OSBP: variants seen among roughly 807,000 people sequenced by gnomAD.
OSBP encodes the protein oxysterol binding protein.
OSBP carries 32 observed loss-of-function variants against 96.6 expected under a neutral mutation model. The observed-to-expected ratio is 0.33, with a 90% confidence interval of 0.25 to 0.45. OSBP has a LOEUF of 0.45. Among genes scored for constraint, OSBP ranks in the 20% least tolerant of loss-of-function variants. The pLI, the probability that OSBP is intolerant of heterozygous loss-of-function variation, is 1.00. For synonymous variants in OSBP, 369 were observed against 389.6 expected, an observed-to-expected ratio of 0.95 and a Z score of 0.62; for missense variants, 653 against 1,029.7, an observed-to-expected ratio of 0.63 and a Z score of 5.01.
intron 10 of OSBP, among the ~76,000 whole-genome samples, chr11:59,581,127 C>T (rs1860415455): frequency 6.6e-6 from 1 of 152,186 alleles, no homozygotes. Flanking sequence ...AGCATACTGC[C>T]TGGCAATAAA....
At position 59,581,564 on chromosome 11, in the gene OSBP, G is replaced by GAC; in HGVS notation, c.1679-11_1679-10insGT. ...ATACAATGAATGGTACCTGGAAGCA[G>GAC]AAAGAGGTATCCAAATTAAGCCAAA... On this transcript the variant is annotated splice_polypyrimidine_tract_variant and intron_variant, in intron 9 of 13. Transcript: ENST00000263847. 1 of 1,552,792 alleles carries GAC rather than the reference G, an allele frequency of 6.4e-7. No individual in the cohort carries two copies. Among genetic ancestry groups the GAC allele is most frequent in the Non-Finnish European group, 8.9e-7 (1 of 1,124,760 alleles).
chr11:59,577,154 G>A (rs1860370455), intron 12 of OSBP, 129 bp from the exon 13 acceptor site: 8 of 737,356 alleles, frequency 1.1e-5, no homozygotes, highest in Non-Finnish European at 4.4e-6. Context: ...TCTGTGAAAA[G>A]GATCTAGGAC....
rs566243082 is a variant in OSBP at position 59,595,526 on chromosome 11, C to T, written c.1312-1271G>A. On this transcript the variant is annotated intron_variant, in intron 7 of 13. Transcript: ENST00000263847. Reference sequence around the variant, plus strand: ...GCCCGCTCAATCATGAAATTAATATCGTATAATTTTTAACTGTAAAAAACT... The same window carrying T: ...GCCCGCTCAATCATGAAATTAATATTGTATAATTTTTAACTGTAAAAAACT... Among the ~76,000 whole-genome samples, 4 of 152,136 alleles carry T rather than the reference C, an allele frequency of 2.6e-5. No homozygotes were observed. The East Asian group carries it at 5.8e-4, about 22-fold the overall frequency.
At chr11:59,581,287 A>ATC (rs1477720324) in intron 10 of OSBP, among the ~76,000 whole-genome samples, 164 bp downstream of exon 10, 1 of 152,246 alleles carries the variant, frequency 6.6e-6, no homozygotes, top group African/African-American at 2.4e-5. Context: ...CAGAAAACTT[A>ATC]GAGAGTTAGA....
intron 9 of OSBP, among the ~76,000 whole-genome samples, chr11:59,589,914 AG>A (rs1463262046): frequency 6.6e-6 from 1 of 151,762 alleles, no homozygotes; most frequent in African/African-American, 2.4e-5. Context: ...ACCCAGGAGG[AG>A]GAGGTTGCAG....
intron 9 of OSBP, among the ~76,000 whole-genome samples, chr11:59,587,687 G>C (rs1316517361): frequency 6.6e-6 from 1 of 152,078 alleles, no homozygotes; most frequent in African/African-American, 2.4e-5. Flanking sequence ...AAAAGTGTTG[G>C]CAAGGATATG....
chr11:59,582,355 T>C (rs1178710737), intron 9 of OSBP, among the ~76,000 whole-genome samples: 1 of 152,144 alleles, frequency 6.6e-6, no homozygotes, highest in Non-Finnish European at 1.5e-5. Flanking sequence ...ACCTAAATAA[T>C]GAAGCCCTGC....
At chr11:59,595,426 T>C (rs1196007164) in intron 7 of OSBP, among the ~76,000 whole-genome samples, 2 of 152,126 alleles carry the variant, frequency 1.3e-5, no homozygotes, top group Admixed American at 1.3e-4. Flanking sequence ...TCCATCTCTT[T>C]TGGCATTTTT....
At chr11:59,612,938 T>C (rs1430930400) in intron 1 of OSBP, among the ~76,000 whole-genome samples, 1 of 152,160 alleles carries the variant, frequency 6.6e-6, no homozygotes, top group African/African-American at 2.4e-5. Flanking sequence ...TGCCAAGGCC[T>C]ATTAGGACAG....
intron 9 of OSBP, among the ~76,000 whole-genome samples, chr11:59,590,306 GTCTTC>G (rs1860561471): frequency 2.0e-5 from 3 of 152,278 alleles, no homozygotes; most frequent in African/African-American, 7.2e-5. Context: ...TTAGGCTGAT[GTCTTC>G]AGTGTCCTTT....
In OSBP at chr11:59,585,288, G is replaced by A. The variant is rs1301623020; in HGVS notation, c.1679-3734C>T. Among the ~76,000 whole-genome samples, 4 of 147,648 alleles carry A rather than the reference G, an allele frequency of 2.7e-5. No homozygotes were observed. In the East Asian group the frequency reaches 6.2e-4, roughly 23 times the overall value. On this transcript the variant is annotated intron_variant, in intron 9 of 13. Coordinates refer to ENST00000263847, the MANE Select transcript of OSBP (RefSeq NM_002556.3). ...ATGTGGGGACCGCCTCTGCCCTGCC[G>A]CCCCGGCTGGGATGAGAGGAGCGCC...
Position 59,608,541 on chromosome 11 carries a change from G to T in OSBP, c.765C>A (p.Ile255=). 5 of 1,614,006 alleles carry T rather than the reference G, an allele frequency of 3.1e-6. No homozygotes were observed. Among genetic ancestry groups the T allele is most frequent in the Non-Finnish European group, 4.2e-6 (5 of 1,179,970 alleles). ...LKLPAESNEK[I]KQVNERATLF... ...GTGTGGCTCGTTCGTTGACCTGTTTGATCTTTTCATTGCTCTCAGCAGGCA... is the reference window on the plus strand; with the variant it reads ...GTGTGGCTCGTTCGTTGACCTGTTTTATCTTTTCATTGCTCTCAGCAGGCA... The change falls in exon 3 of 14, where the codon ATC becomes ATA. Residue 255 remains isoleucine, a synonymous_variant. Transcript: ENST00000263847.
chr11:59,601,506 C>A, intron 4 of OSBP, 121 bp from the exon 5 acceptor site: 2 of 1,163,466 alleles, frequency 1.7e-6, no homozygotes, highest in East Asian at 2.3e-5. Context: ...AGTGGAAAAT[C>A]CAGAATAAAT....
At chr11:59,602,112 G>C (rs12288523) in intron 3 of OSBP, among the ~76,000 whole-genome samples, 3,064 of 152,300 alleles carry the variant, frequency 0.02, 97 homozygotes, top group African/African-American at 0.07. Context: ...AAACCCAGAC[G>C]AAGTATTTGT....
At chr11:59,595,449 A>C (rs1330755370) in intron 7 of OSBP, among the ~76,000 whole-genome samples, 1 of 152,002 alleles carries the variant, frequency 6.6e-6, no homozygotes, top group Non-Finnish European at 1.5e-5. Flanking sequence ...TCACCCTTCT[A>C]CCCACCAATC....
chr11:59,605,157 A>AG (rs1860766451), intron 3 of OSBP, among the ~76,000 whole-genome samples: 1 of 152,084 alleles, frequency 6.6e-6, no homozygotes, highest in African/African-American at 2.4e-5. Context: ...TGTCTCAAAA[A>AG]AAAAGAAAAA....
intron 9 of OSBP, among the ~76,000 whole-genome samples, chr11:59,590,041 T>G (rs926083993): frequency 3.3e-5 from 5 of 152,162 alleles, no homozygotes; most frequent in Non-Finnish European, 5.9e-5. Context: ...TTTGGAAACT[T>G]CAGTTATATT....
chr11:59,581,238 T>C (rs1238653803), intron 10 of OSBP, among the ~76,000 whole-genome samples: 1 of 152,250 alleles, frequency 6.6e-6, no homozygotes, highest in Non-Finnish European at 1.5e-5. Context: ...CATTGATGAA[T>C]GTTATAATTT....
intron 9 of OSBP, among the ~76,000 whole-genome samples, chr11:59,590,895 T>C (rs1401309344): frequency 2.0e-5 from 3 of 152,220 alleles, no homozygotes; most frequent in Non-Finnish European, 4.4e-5. Flanking sequence ...ATTCCATTCT[T>C]TAGATTTCTA....
Sources: allele counts gnomAD v4.1 joint callset (sites outside exome capture counted in the v4.1 genomes callset), GRCh38; gene constraint gnomAD v4.1.1; transcripts MANE v1.5; gene names NCBI Gene and HGNC (gene_info 2026-07-23, HGNC 2026-07-21).